Variants in CAMK2D observed in about 807,000 individuals in gnomAD.
CAMK2D encodes the protein calcium/calmodulin-dependent protein kinase type II subunit delta.
Under a neutral mutation model 84.0 loss-of-function variants are expected in CAMK2D, and 37 were observed. The ratio of observed to expected loss-of-function variants is 0.44; its 90% confidence interval spans 0.34 to 0.58. The LOEUF (loss-of-function observed/expected upper bound fraction) is 0.58, where lower values mean the gene tolerates loss of function less well. CAMK2D is among the 20% of genes least tolerant of loss of function. CAMK2D has a pLI of 0.02. For missense variants in CAMK2D, 448 were observed against 652.5 expected (o/e 0.69, Z 3.41); for synonymous variants, 202 against 212.5 (o/e 0.95, Z 0.43).
intron 4 of CAMK2D, among the ~76,000 whole-genome samples, chr4:113,596,183 T>C (rs898623720): frequency 6.6e-6 from 1 of 152,342 alleles, no homozygotes; most frequent in Non-Finnish European, 1.5e-5. Flanking sequence ...TCCTCATTCA[T>C]GGAAGTTTTA....
chr4:113,563,004 T>C (rs538934299), intron 4 of CAMK2D, among the ~76,000 whole-genome samples: 10 of 152,256 alleles, frequency 6.6e-5, no homozygotes, highest in South Asian at 6.2e-4. Flanking sequence ...ACACCTGTAA[T>C]CCCAGCTCTT....
At chr4:113,589,469 G>T (rs572955169) in intron 4 of CAMK2D, among the ~76,000 whole-genome samples, 28 of 152,104 alleles carry the variant, frequency 1.8e-4, no homozygotes, top group Non-Finnish European at 3.5e-4. Context: ...TGGCTGGAGC[G>T]GAGTGAAATA....
chr4:113,578,743 A>C (rs927485578), intron 4 of CAMK2D, among the ~76,000 whole-genome samples: 24 of 152,274 alleles, frequency 1.6e-4, no homozygotes, highest in African/African-American at 5.5e-4. Context: ...TCTTCCCCTA[A>C]ACACTTGCAA....
At chr4:113,538,458 T>C (rs1019311694) in intron 6 of CAMK2D, among the ~76,000 whole-genome samples, 2 of 152,114 alleles carry the variant, frequency 1.3e-5, no homozygotes, top group Admixed American at 1.3e-4. Flanking sequence ...GGTTAGAATG[T>C]ATATGGGAGA....
chr4:113,559,715 G>C (rs1284629470), intron 4 of CAMK2D, among the ~76,000 whole-genome samples: 1 of 152,228 alleles, frequency 6.6e-6, no homozygotes, highest in Non-Finnish European at 1.5e-5. Flanking sequence ...AATCGTTTCT[G>C]TGTATCAGTA....
intron 6 of CAMK2D, among the ~76,000 whole-genome samples, chr4:113,543,382 GATTT>G (rs940418958): frequency 1.5e-4 from 14 of 94,590 alleles, no homozygotes; most frequent in African/African-American, 8.8e-4. Context: ...TATATATATT[GATTT>G]TTTTTTTTTT....
intron 16 of CAMK2D, among the ~76,000 whole-genome samples, chr4:113,491,496 C>G (rs2097843527): frequency 6.6e-6 from 1 of 151,826 alleles, no homozygotes; most frequent in South Asian, 2.1e-4. Context: ...ATGAAGCCCA[C>G]TTGATCATGG....
At chr4:113,637,387 T>TGTTTA (rs2099114130) in intron 3 of CAMK2D, among the ~76,000 whole-genome samples, 1 of 152,242 alleles carries the variant, frequency 6.6e-6, no homozygotes, top group South Asian at 2.1e-4. Context: ...CCCCAATGTT[T>TGTTTA]CATTTTGTTT....
intron 2 of CAMK2D, among the ~76,000 whole-genome samples, chr4:113,679,250 T>G (rs535771070): frequency 6.0e-4 from 91 of 152,320 alleles, no homozygotes; most frequent in Middle Eastern, 6.8e-3. Flanking sequence ...TTCAAAGGCT[T>G]GTTCTAACAG....
At chr4:113,584,607 A>T (rs949715274) in intron 4 of CAMK2D, among the ~76,000 whole-genome samples, 1 of 152,032 alleles carries the variant, frequency 6.6e-6, no homozygotes, top group Non-Finnish European at 1.5e-5. Context: ...CAGTCAGTTC[A>T]CTTCTATTTT....
chr4:113,496,527 C>T (rs1404332195), intron 16 of CAMK2D, among the ~76,000 whole-genome samples: 1 of 150,170 alleles, frequency 6.7e-6, no homozygotes, highest in African/African-American at 2.5e-5. Flanking sequence ...CGGCTCACTG[C>T]AATCTCCACC....
intron 4 of CAMK2D, among the ~76,000 whole-genome samples, chr4:113,605,232 AT>A (rs2098972116): frequency 6.6e-6 from 1 of 152,156 alleles, no homozygotes; most frequent in African/African-American, 2.4e-5. Flanking sequence ...TCCTTCATAT[AT>A]TTACTAGTCA....
intron 16 of CAMK2D, among the ~76,000 whole-genome samples, chr4:113,473,120 T>C (rs1366373105): frequency 2.6e-5 from 4 of 152,224 alleles, no homozygotes; most frequent in Admixed American, 2.0e-4. Context: ...CTAAATGCCT[T>C]TGAACTTACT....
At chr4:113,586,485 G>A (rs552279240) in intron 4 of CAMK2D, among the ~76,000 whole-genome samples, 6 of 152,170 alleles carry the variant, frequency 3.9e-5, no homozygotes, top group Non-Finnish European at 8.8e-5. Flanking sequence ...AATATAAAGA[G>A]TCCTGAAGAA....
intron 4 of CAMK2D, among the ~76,000 whole-genome samples, chr4:113,579,120 A>G (rs2098797039): frequency 1.3e-5 from 2 of 152,244 alleles, no homozygotes; most frequent in African/African-American, 4.8e-5. Context: ...ACAAAAGGCC[A>G]GTTTAAAAAC....
chr4:113,647,138 T>C (rs1344485559), intron 3 of CAMK2D, among the ~76,000 whole-genome samples: 1 of 152,202 alleles, frequency 6.6e-6, no homozygotes, highest in Non-Finnish European at 1.5e-5. Context: ...TTCTATTATA[T>C]TTAAATAGCT....
intron 4 of CAMK2D, among the ~76,000 whole-genome samples, chr4:113,553,254 A>G (rs1255081115): frequency 1.3e-5 from 2 of 152,180 alleles, no homozygotes; most frequent in African/African-American, 4.8e-5. Context: ...TTAGTGACAC[A>G]GGCAGGCCAT....
intron 3 of CAMK2D, among the ~76,000 whole-genome samples, chr4:113,652,470 A>G (rs2099178109): frequency 6.6e-6 from 1 of 152,144 alleles, no homozygotes; most frequent in African/African-American, 2.4e-5. Flanking sequence ...GAATAAAGGG[A>G]AAAGAGGAAT....
intron 16 of CAMK2D, among the ~76,000 whole-genome samples, chr4:113,484,118 T>C (rs1467443957): frequency 2.0e-5 from 3 of 152,122 alleles, no homozygotes; most frequent in Admixed American, 2.0e-4. Context: ...GCTAAGACCT[T>C]TCCCTATATA....
Sources: allele counts gnomAD v4.1 joint callset (sites outside exome capture counted in the v4.1 genomes callset), GRCh38; gene constraint gnomAD v4.1.1; transcripts MANE v1.5; gene names NCBI Gene and HGNC (gene_info 2026-07-23, HGNC 2026-07-21).